Variants in ERMARD observed in about 807,000 individuals in gnomAD.
ERMARD encodes the protein endoplasmic reticulum membrane-associated RNA degradation protein.
In ERMARD, 71 loss-of-function variants were observed where a neutral mutation model predicts 83.9. The ratio of observed to expected loss-of-function variants is 0.85; its 90% CI spans 0.70 to 1.03. The LOEUF is 1.03. ERMARD is among the 50% of genes least tolerant of loss of function. The pLI, the probability that ERMARD is intolerant of heterozygous loss-of-function variation, is 0.00. For synonymous variants in ERMARD, 284 were observed against 298.6 expected (o/e 0.95, Z 0.50); for missense variants, 838 against 810.9 (o/e 1.03, Z -0.41).
At chr6:169,752,035 G>A in intron 1 of ERMARD, 2 of 303,860 alleles carry the variant, frequency 6.6e-6, no homozygotes, top group Non-Finnish European at 1.2e-5. Flanking sequence ...TTTCCTAGTC[G>A]CTGCCTGTAG....
chr6:169,751,936 C>T (rs564088520), intron 1 of ERMARD: 16 of 481,438 alleles, frequency 3.3e-5, no homozygotes, highest in Admixed American at 8.8e-5. Flanking sequence ...ACGCGGCGGA[C>T]GGTCAGGGAG....
chr6:169,776,182 A>G (rs897957201), intron 15 of ERMARD, 117 bp downstream of exon 15: 24 of 1,535,596 alleles, frequency 1.6e-5, no homozygotes, highest in African/African-American at 2.7e-5. Flanking sequence ...TTAGAATCCC[A>G]CTGTTACTGC....
chr6:169,755,689 CA>C (rs1365134482), intron 3 of ERMARD: 1 of 383,280 alleles, frequency 2.6e-6, no homozygotes. Context: ...GGTGCCCATC[CA>C]AGGATAGAGG....
chr6:169,760,222 C>G (rs1791366289), intron 7 of ERMARD, among the ~76,000 whole-genome samples: 1 of 152,280 alleles, frequency 6.6e-6, no homozygotes, highest in African/African-American at 2.4e-5. Flanking sequence ...CTCTTTCTTC[C>G]TCAGATGCAC....
chr6:169,768,096 GT>G lies in ERMARD; in HGVS notation c.991-3del. 6.2e-7 allele frequency: 1 copy of G among 1,612,386 alleles called. No homozygotes were observed. The highest frequency in any genetic ancestry group is 8.5e-7 in the Non-Finnish European group (1 of 1,178,478). On this transcript the variant is annotated splice_region_variant and splice_polypyrimidine_tract_variant and intron_variant, in intron 10 of 17. Transcript: ENST00000366773. ...GTTAACCAATGTATTTATTTTTGAT[GT>G]TTTAGATATTGGCAAAACACTTGAA...
chr6:169,760,107 T>C, intron 7 of ERMARD, 133 bp downstream of exon 7: 1 of 1,478,022 alleles, frequency 6.8e-7, no homozygotes, highest in African/African-American at 1.4e-5. Flanking sequence ...GCTTTCAGAG[T>C]TGCTTGAAGA....
At chr6:169,772,792 A>T (rs918864196) in intron 12 of ERMARD, among the ~76,000 whole-genome samples, 1 of 141,970 alleles carries the variant, frequency 7.0e-6, no homozygotes, top group Admixed American at 7.2e-5. Flanking sequence ...AAAAAAAAAA[A>T]ATTGTAGGTA....
chr6:169,769,947 CT>C (rs1010263480), intron 12 of ERMARD, among the ~76,000 whole-genome samples: 2 of 152,130 alleles, frequency 1.3e-5, no homozygotes, highest in Non-Finnish European at 2.9e-5. Context: ...AACACATTTG[CT>C]TTTGTATGTA....
chr6:169,755,732 G>A (rs979007101), intron 3 of ERMARD: 24 of 291,816 alleles, frequency 8.2e-5, no homozygotes, highest in African/African-American at 4.9e-4. Context: ...AAGGCGTTGT[G>A]GAGAGGTATT....
At chr6:169,762,642 A>C in intron 9 of ERMARD, 111 bp downstream of exon 9, 2 of 859,784 alleles carry the variant, frequency 2.3e-6, no homozygotes, top group South Asian at 3.4e-5. Context: ...AAATGATTTT[A>C]ATTTAGCTAA....
rs555789408 is a variant in ERMARD, at chr6:169,761,290, C to T, written c.857+534C>T. ...GAAGTGCATTGGAGCCACCTCGGCT[C>T]ACTGCAGCCTTGAACTCCTGGGCTC... On this transcript the variant is annotated intron_variant, in intron 8 of 17. Coordinates refer to ENST00000366773, the MANE Select transcript of ERMARD (RefSeq NM_018341.3). 2.0e-5 allele frequency among the ~76,000 whole-genome samples: 3 copies of T among 152,330 alleles called. No homozygotes were observed. The East Asian group carries it at 5.8e-4, about 29-fold the overall frequency.
intron 3 of ERMARD, among the ~76,000 whole-genome samples, chr6:169,755,861 T>G: frequency 6.6e-6 from 1 of 152,322 alleles, no homozygotes; most frequent in Non-Finnish European, 1.5e-5. Flanking sequence ...TTTCATTTGT[T>G]TTTTTGGTCA....
chr6:169,760,451 A>T (rs1791402520), intron 7 of ERMARD, among the ~76,000 whole-genome samples, 191 bp from the exon 8 acceptor site: 2 of 152,158 alleles, frequency 1.3e-5, no homozygotes, highest in Middle Eastern at 3.4e-3. Context: ...TCCATGCCCC[A>T]CTTTCCAAGG....
At position 169,764,171 on chromosome 6, in the gene ERMARD, T is replaced by C. The variant is rs1791903451; in HGVS notation, c.960+1640T>C. ...CAAACTGAGAAGCCCCCCGCCTGGC[T>C]CCTCGGCCCACCCGAGCTCATCTCA... On this transcript the variant is annotated intron_variant, in intron 9 of 17. Coordinates refer to ENST00000366773, the MANE Select transcript of ERMARD (RefSeq NM_018341.3). Among the ~76,000 whole-genome samples, 3 of 151,958 alleles carry C rather than the reference T, an allele frequency of 2.0e-5. 1 individual carries two copies. The highest frequency in any genetic ancestry group is 1.3e-4 in the Admixed American group (2 of 15,250).
At chr6:169,760,034 A>C in intron 7 of ERMARD, 60 bp downstream of exon 7, 1 of 1,605,470 alleles carries the variant, frequency 6.2e-7, no homozygotes, top group Non-Finnish European at 8.5e-7. Flanking sequence ...CAAAGTCAGT[A>C]AACAGCATTA....
rs774361460 is a variant in ERMARD at position 169,776,640 on chromosome 6, G to A, written c.1706G>A (p.Arg569His). The change falls in exon 16 of 18, where the codon CGC becomes CAC. Residue 569 changes from arginine to histidine, a missense_variant. Transcript: ENST00000366773. ...RQWVERTLRS[R>H]QRQNYLRMWS... ...TGGGTGGAAAGGACGCTGCGGTCTC[G>A]CCAGCGGCAGAACTACCTGCGTATG... is the stretch of plus-strand genomic sequence containing the variant. 5.6e-6 allele frequency: 9 copies of A among 1,613,966 alleles called. No individual in the cohort carries two copies. In the East Asian group the frequency reaches 6.7e-5, roughly 12 times the overall value.
At chr6:169,764,879 A>T (rs1792007141) in intron 9 of ERMARD, among the ~76,000 whole-genome samples, 1 of 152,038 alleles carries the variant, frequency 6.6e-6, no homozygotes, top group Admixed American at 6.6e-5. Context: ...AGGCTCATCT[A>T]CTCAAAGGTG....
chr6:169,754,048 G>A lies in ERMARD; in HGVS notation c.175+16G>A. 6.3e-7 allele frequency: 1 copy of A among 1,589,692 alleles called. No individual in the cohort carries two copies. The highest frequency in any genetic ancestry group is 8.6e-7 in the Non-Finnish European group (1 of 1,164,946). ...ACAGAGTCAGGTTTGTGCTGTCTTT[G>A]TACTCCAAACTTTCATAACTGTCCC... On this transcript the variant is annotated intron_variant, in intron 2 of 17. Transcript: ENST00000366773.
chr6:169,780,826 A>G (rs1309280214), intron 17 of ERMARD, among the ~76,000 whole-genome samples: 1 of 152,234 alleles, frequency 6.6e-6, no homozygotes, highest in Non-Finnish European at 1.5e-5. Context: ...GATTGAAATT[A>G]CAGTGCTCTT....
Sources: gnomAD v4.1 joint callset for allele counts (sites outside exome capture counted in the v4.1 genomes callset) on GRCh38, gnomAD v4.1.1 for gene constraint, MANE v1.5 for transcripts, NCBI Gene and HGNC (gene_info 2026-07-23, HGNC 2026-07-21) for gene names.